The following RGS8 variants were observed in gnomAD, a reference collection of about 807,000 sequenced individuals.
RGS8 encodes regulator of G-protein signaling 8.
In RGS8, 8 loss-of-function variants were observed where a neutral mutation model predicts 21.7. The observed-to-expected ratio is 0.37, with a 90% CI of 0.22 to 0.66. The LOEUF (loss-of-function observed/expected upper bound fraction) is 0.66. Ranked by LOEUF, RGS8 falls within the 30% of genes least tolerant of loss-of-function variation. The pLI, the probability that RGS8 is intolerant of heterozygous loss-of-function variation, is 0.59. For missense variants in RGS8, 157 were observed against 217.9 expected, an observed-to-expected ratio of 0.72 and a Z score of 1.76; for synonymous variants, 80 against 83.6, an observed-to-expected ratio of 0.96 and a Z score of 0.24.
intron 5 of RGS8, among the ~76,000 whole-genome samples, chr1:182,655,061 C>T (rs1489193192): frequency 6.6e-6 from 1 of 152,238 alleles, no homozygotes. Context: ...ACTGGCTTCT[C>T]ATGGCACATC....
rs556556263 is a variant in RGS8, at chr1:182,667,049, A to G, written c.27-76T>C. ...TGTCAGCTCTATACAGGGCCCCTGGAGCTGCTGCTACGGGAGCCAGCACTG... is the reference window on the plus strand; with the variant it reads ...TGTCAGCTCTATACAGGGCCCCTGGGGCTGCTGCTACGGGAGCCAGCACTG... On this transcript the variant is annotated intron_variant, in intron 3 of 6. Transcript: ENST00000483095. 7 of 1,223,158 alleles carry G rather than the reference A, an allele frequency of 5.7e-6. No homozygotes were observed. In the South Asian group the frequency reaches 7.2e-5, roughly 13 times the overall value. 75.8% of individuals were successfully genotyped at this position (1,223,158 alleles called of 1,614,324 possible).
chr1:182,678,841 G>C (rs1487664312), intron 1 of RGS8, among the ~76,000 whole-genome samples: 3 of 152,264 alleles, frequency 2.0e-5, no homozygotes, highest in African/African-American at 7.2e-5. Flanking sequence ...GAGAGAGAGA[G>C]CTTATGCAAC....
chr1:182,711,736 G>A, the RGS8 span, among the ~76,000 whole-genome samples: 6 of 152,096 alleles, frequency 3.9e-5, no homozygotes, highest in Admixed American at 6.5e-5. Flanking sequence ...TTAACAGCCA[G>A]GAATATCTTG....
At chr1:182,665,326 C>T (rs755519093) in intron 5 of RGS8, among the ~76,000 whole-genome samples, 34 of 152,202 alleles carry the variant, frequency 2.2e-4, no homozygotes, top group Middle Eastern at 3.4e-3. Flanking sequence ...TCAAATTGCC[C>T]TCTCCACACC....
chr1:182,742,927 C>G, the RGS8 span, among the ~76,000 whole-genome samples: 1 of 152,146 alleles, frequency 6.6e-6, no homozygotes, highest in African/African-American at 2.4e-5. Flanking sequence ...TACATAAAGT[C>G]GCTTAATGGA....
At chr1:182,654,201 A>T (rs1318794217) in intron 5 of RGS8, among the ~76,000 whole-genome samples, 1 of 152,142 alleles carries the variant, frequency 6.6e-6, no homozygotes, top group Non-Finnish European at 1.5e-5. Flanking sequence ...GGTCCATATG[A>T]CTCCAAAGCA....
the RGS8 span, among the ~76,000 whole-genome samples, chr1:182,718,888 T>C: frequency 6.6e-6 from 1 of 152,170 alleles, no homozygotes; most frequent in Non-Finnish European, 1.5e-5. Context: ...GACAAACATA[T>C]GTACATTCAC....
intron 5 of RGS8, among the ~76,000 whole-genome samples, 182 bp downstream of exon 6, chr1:182,665,787 T>G (rs926066275): frequency 6.6e-6 from 1 of 152,210 alleles, no homozygotes; most frequent in Non-Finnish European, 1.5e-5. Flanking sequence ...CTCATCTCAC[T>G]GCATTTAAAT....
the RGS8 span, among the ~76,000 whole-genome samples, chr1:182,719,286 GA>G: frequency 3.3e-5 from 5 of 151,790 alleles, no homozygotes; most frequent in East Asian, 7.7e-4. Context: ...AGTGAGAGGA[GA>G]AAAAAAGTTA....
At chr1:182,642,486 C>T (rs181531066), downstream of RGS8, 13 of 152,470 alleles carry the variant, frequency 8.5e-5, no homozygotes, top group East Asian at 2.3e-3. Flanking sequence ...TGCTACTCAT[C>T]CCTTCTCTGA....
At chr1:182,677,804 G>T (rs1013808664), upstream of RGS8, among the ~76,000 whole-genome samples, 2 of 152,158 alleles carry the variant, frequency 1.3e-5, no homozygotes, top group Non-Finnish European at 2.9e-5. Flanking sequence ...TGGAGGCTTT[G>T]GTGTCTAAGC....
intron 5 of RGS8, among the ~76,000 whole-genome samples, chr1:182,662,389 C>A (rs1663634850): frequency 1.3e-5 from 2 of 152,180 alleles, no homozygotes; most frequent in African/African-American, 4.8e-5. Context: ...CATCCTGGAT[C>A]CAGCTTCTGA....
chr1:182,670,348 A>G (rs1023356904), intron 2 of RGS8, among the ~76,000 whole-genome samples: 2 of 152,194 alleles, frequency 1.3e-5, no homozygotes, highest in Non-Finnish European at 2.9e-5. Context: ...TCTTGCCCAT[A>G]TGGAGCCTAC....
At chr1:182,726,978 G>A in the RGS8 span, among the ~76,000 whole-genome samples, 1 of 152,048 alleles carries the variant, frequency 6.6e-6, no homozygotes, top group Non-Finnish European at 1.5e-5. Context: ...ATGTACACCC[G>A]CCACAGGTTG....
the RGS8 span, among the ~76,000 whole-genome samples, chr1:182,740,590 T>G: frequency 7.6e-6 from 1 of 132,352 alleles, no homozygotes; most frequent in African/African-American, 2.9e-5. Context: ...CATTCTTGGG[T>G]GTTTCTCGCA....
At chr1:182,713,827 A>G in the RGS8 span, among the ~76,000 whole-genome samples, 1 of 152,198 alleles carries the variant, frequency 6.6e-6, no homozygotes, top group Non-Finnish European at 1.5e-5. Context: ...ACACCAATTT[A>G]TCTCTCTTTT....
At chr1:182,746,699 G>A in the RGS8 span, among the ~76,000 whole-genome samples, 11 of 148,712 alleles carry the variant, frequency 7.4e-5, no homozygotes, top group African/African-American at 2.5e-4. Context: ...AAGGAAGGAA[G>A]GAAAGAAAGA....
the RGS8 span, among the ~76,000 whole-genome samples, chr1:182,748,916 T>G: frequency 6.6e-6 from 1 of 152,334 alleles, no homozygotes; most frequent in East Asian, 1.9e-4. Flanking sequence ...GGGAAATGCT[T>G]ATTCAGGTCT....
At chr1:182,682,497 G>A (rs1468261645) in intron 1 of RGS8, among the ~76,000 whole-genome samples, 2 of 152,162 alleles carry the variant, frequency 1.3e-5, no homozygotes, top group Non-Finnish European at 2.9e-5. Flanking sequence ...AGGAAGTTGG[G>A]AGAATTAAAC....
Sources: gnomAD v4.1 joint callset for allele counts (sites outside exome capture counted in the v4.1 genomes callset) on GRCh38, gnomAD v4.1.1 for gene constraint, MANE v1.5 for transcripts, NCBI Gene and HGNC (gene_info 2026-07-23, HGNC 2026-07-21) for gene names.